The following PHACTR2 variants were observed in gnomAD, a reference collection of about 807,000 sequenced individuals.
PHACTR2 encodes the protein chromosome 6 open reading frame 56.
PHACTR2 carries 30 observed loss-of-function variants against 76.0 expected under a neutral mutation model. The ratio of observed to expected loss-of-function variants is 0.39; its 90% CI spans 0.30 to 0.54. The LOEUF (loss-of-function observed/expected upper bound fraction) is 0.54. PHACTR2 is among the 20% of genes least tolerant of loss of function. The pLI is 0.61. For synonymous variants in PHACTR2, 292 were observed against 292.5 expected (o/e 1.00, Z 0.02); for missense variants, 696 against 781.1 (o/e 0.89, Z 1.30).
At chr6:143,773,669 A>G (rs1198102652) in intron 7 of PHACTR2, among the ~76,000 whole-genome samples, 1 of 152,232 alleles carries the variant, frequency 6.6e-6, no homozygotes, top group African/African-American at 2.4e-5. Context: ...GGAGGAGACA[A>G]GGATTAACTG....
Position 143,583,813 on chromosome 6 carries a change from A to C in PHACTR2, c.217+46606A>C, listed in dbSNP as rs1160463259. Among the ~76,000 whole-genome samples the C allele has an allele frequency of 6.6e-6, 1 of 152,258 alleles. No homozygotes were observed. Among genetic ancestry groups the C allele is most frequent in the Non-Finnish European group, 1.5e-5 (1 of 68,046 alleles). ...TACCTGGACTACTATAATAGGTGCC[A>C]GGCATCATACCCAGAGAGGGACCTA... On this transcript the variant is annotated intron_variant, in intron 1 of 11. Transcript: ENST00000367584. The surrounding 1 kb of genome is among the most constrained non-coding windows in gnomAD (Gnocchi z 4.0).
chr6:143,760,645 G>T lies in PHACTR2; in HGVS notation c.694+5G>T, dbSNP rs1223695106. The T allele has an allele frequency of 1.9e-6, 3 of 1,613,790 alleles. No homozygotes were observed. The highest frequency in any genetic ancestry group is 1.7e-5 in the Admixed American group (1 of 59,996). Reference sequence around the variant, plus strand: ...GAAACACGACCCGAGAGGCTGGTGAGTATGCCCCCAGTGCCCTGTGGGGTC... The same window carrying T: ...GAAACACGACCCGAGAGGCTGGTGATTATGCCCCCAGTGCCCTGTGGGGTC... On this transcript the variant is annotated splice_donor_5th_base_variant and intron_variant, in intron 5 of 12. Transcript: ENST00000440869. This position sits in a 1 kb window ranked among gnomAD's most constrained non-coding sequence, Gnocchi z 6.4.
In PHACTR2 at chr6:143,539,635, C is replaced by T. The variant is rs1197639169; in HGVS notation, c.217+2428C>T. Reference sequence around the variant, plus strand: ...AGTAGCCCAATTTCCAGCCCTTCTCCAGAAGCTCTGGGCACACACAGAGGC... The same window carrying T: ...AGTAGCCCAATTTCCAGCCCTTCTCTAGAAGCTCTGGGCACACACAGAGGC... On this transcript the variant is annotated intron_variant, in intron 1 of 11. Coordinates refer to the PHACTR2 transcript ENST00000367584. The surrounding 1 kb of genome is among the most constrained non-coding windows in gnomAD (Gnocchi z 4.3). 6.6e-6 allele frequency among the ~76,000 whole-genome samples: 1 copy of T among 152,132 alleles called. No individual in the cohort carries two copies. Among genetic ancestry groups the T allele is most frequent in the Non-Finnish European group, 1.5e-5 (1 of 68,018 alleles).
chr6:143,746,319 A>C (rs1219223299), intron 2 of PHACTR2, among the ~76,000 whole-genome samples: 4 of 152,192 alleles, frequency 2.6e-5, no homozygotes, highest in African/African-American at 9.7e-5. Context: ...GACTCCTGGC[A>C]GCCATTTTGT....
rs142760617 is a variant in PHACTR2, at chr6:143,751,589, C to A, written c.296-2165C>A. Among the ~76,000 whole-genome samples, 1 of 152,206 alleles carries A rather than the reference C, an allele frequency of 6.6e-6. No individual in the cohort carries two copies. Among genetic ancestry groups the A allele is most frequent in the East Asian group, 1.9e-4 (1 of 5,170 alleles). On this transcript the variant is annotated intron_variant, in intron 3 of 12. Transcript: ENST00000440869. The surrounding 1 kb of genome is among the most constrained non-coding windows in gnomAD (Gnocchi z 5.7). Reference sequence around the variant, plus strand: ...ACACCTGTTTACTAGAAGGAGGTGACCCCCTTCAAACACCCTCGTGTTCCT... The same window carrying A: ...ACACCTGTTTACTAGAAGGAGGTGAACCCCTTCAAACACCCTCGTGTTCCT...
rs1384929787 is a variant in PHACTR2 at position 143,589,762 on chromosome 6, A to G, written c.217+52555A>G. 1.3e-5 allele frequency among the ~76,000 whole-genome samples: 2 copies of G among 152,222 alleles called. No individual in the cohort carries two copies. Among genetic ancestry groups the G allele is most frequent in the African/African-American group, 2.4e-5 (1 of 41,462 alleles). ...TCAAGGTCCTGGAAGCCAGGGCTTCAACATATAAATTTAGGGGAGGGGACA... is the reference window on the plus strand; with the variant it reads ...TCAAGGTCCTGGAAGCCAGGGCTTCGACATATAAATTTAGGGGAGGGGACA... On this transcript the variant is annotated intron_variant, in intron 1 of 11. Coordinates refer to the PHACTR2 transcript ENST00000367584. This position sits in a 1 kb window ranked among gnomAD's most constrained non-coding sequence, Gnocchi z 4.4.
rs1182288558 is a variant in PHACTR2, at chr6:143,664,123, T to C, written c.14-47893T>C. Among the ~76,000 whole-genome samples the C allele has an allele frequency of 9.9e-5, 15 of 152,142 alleles. No individual in the cohort carries two copies. Among genetic ancestry groups the C allele is most frequent in the Admixed American group, 5.9e-4 (9 of 15,274 alleles). On this transcript the variant is annotated intron_variant, in intron 1 of 11. Transcript: ENST00000305766. This position sits in a 1 kb window ranked among gnomAD's most constrained non-coding sequence, Gnocchi z 5.1. The stretch of plus-strand genomic sequence containing the variant: ...ATAATAATTTGAACATCCTGTTAGA[T>C]TATAATTTTTGTCATTACACTATAT...
At chr6:143,634,677 A>G (rs751781231) in intron 1 of PHACTR2, among the ~76,000 whole-genome samples, 1 of 152,182 alleles carries the variant, frequency 6.6e-6, no homozygotes, top group Non-Finnish European at 1.5e-5. Context: ...ATAAAAGACA[A>G]TAGTATCTGT....
At chr6:143,582,937 A>G (rs1328894232) in intron 1 of PHACTR2, among the ~76,000 whole-genome samples, 1 of 152,236 alleles carries the variant, frequency 6.6e-6, no homozygotes, top group East Asian at 1.9e-4. Context: ...GATTTTAGGT[A>G]TAAAAATATA....
chr6:143,713,702 T>G (rs1160815952), intron 2 of PHACTR2, among the ~76,000 whole-genome samples: 1 of 152,166 alleles, frequency 6.6e-6, no homozygotes, highest in African/African-American at 2.4e-5. Context: ...CCTGATTCTG[T>G]TGTTGGTCTC....
intron 1 of PHACTR2, among the ~76,000 whole-genome samples, chr6:143,634,025 G>A (rs1242883992): frequency 6.6e-6 from 1 of 152,192 alleles, no homozygotes; most frequent in Non-Finnish European, 1.5e-5. Flanking sequence ...GTGCAGGTAT[G>A]CCTACTGACA....
intron 11 of PHACTR2, among the ~76,000 whole-genome samples, chr6:143,798,219 G>C (rs952329057): frequency 6.6e-6 from 1 of 152,158 alleles, no homozygotes; most frequent in Non-Finnish European, 1.5e-5. Flanking sequence ...TGATGTATAG[G>C]AATGCTTGTG....
intron 1 of PHACTR2, among the ~76,000 whole-genome samples, chr6:143,542,082 A>G (rs1781176438): frequency 6.6e-6 from 1 of 152,184 alleles, no homozygotes; most frequent in East Asian, 1.9e-4. Flanking sequence ...CTCCCTGGTC[A>G]GGGAATAGCA....
chr6:143,564,893 T>C (rs1325241998), intron 1 of PHACTR2, among the ~76,000 whole-genome samples: 1 of 127,986 alleles, frequency 7.8e-6, no homozygotes, highest in African/African-American at 2.8e-5. Context: ...TCCAGATACA[T>C]GAATAGTGAT....
At position 143,784,585 on chromosome 6, in the gene PHACTR2, A is replaced by G. The variant is rs1775509279; in HGVS notation, c.1707+1305A>G. 2.0e-5 allele frequency among the ~76,000 whole-genome samples: 3 copies of G among 152,194 alleles called. No individual in the cohort carries two copies. Among genetic ancestry groups the G allele is most frequent in the Admixed American group, 2.0e-4 (3 of 15,276 alleles). ...ATTCCCACAGAAAAGCTATGGGACT[A>G]TGTTGAAAGTGTTTGGTTCTGTTTT... On this transcript the variant is annotated intron_variant, in intron 10 of 12. Transcript: ENST00000440869. This position sits in a 1 kb window ranked among gnomAD's most constrained non-coding sequence, Gnocchi z 4.5.
Position 143,627,458 on chromosome 6 carries a change from G to A in PHACTR2, c.13+19136G>A, listed in dbSNP as rs542292579. 3.7e-4 allele frequency among the ~76,000 whole-genome samples: 56 copies of A among 152,182 alleles called. 1 individual carries two copies. The South Asian group carries it at 4.8e-3, about 13-fold the overall frequency. ...TATGGGTAATATACTCAGCTACTACGTCAGGTAGCCTTGCGGAATTCAAGA... is the reference window on the plus strand; with the variant it reads ...TATGGGTAATATACTCAGCTACTACATCAGGTAGCCTTGCGGAATTCAAGA... On this transcript the variant is annotated intron_variant, in intron 1 of 11. Coordinates refer to the PHACTR2 transcript ENST00000305766. This position sits in a 1 kb window ranked among gnomAD's most constrained non-coding sequence, Gnocchi z 4.3.
At chr6:143,650,576 T>A (rs1776743984) in intron 1 of PHACTR2, among the ~76,000 whole-genome samples, 1 of 152,062 alleles carries the variant, frequency 6.6e-6, no homozygotes, top group African/African-American at 2.4e-5. Flanking sequence ...AAACAAACAA[T>A]GGGGAAAGGA....
At chr6:143,563,347 G>T (rs972217299) in intron 1 of PHACTR2, among the ~76,000 whole-genome samples, 1 of 151,332 alleles carries the variant, frequency 6.6e-6, no homozygotes, top group South Asian at 2.1e-4. Context: ...GGTGGATCAC[G>T]AGGTCAGCAG....
chr6:143,719,813 C>CTTT (rs10675688), intron 2 of PHACTR2, among the ~76,000 whole-genome samples: 40,627 of 94,360 alleles, frequency 0.43, 10,930 homozygotes, highest in Non-Finnish European at 0.5. Flanking sequence ...GTGTTCGACA[C>CTTT]TTTTTTTTTT....
Sources: gnomAD v4.1 joint callset for allele counts (sites outside exome capture counted in the v4.1 genomes callset) on GRCh38, gnomAD v4.1.1 for gene constraint, Gnocchi (gnomAD v3.1) non-coding constraint, MANE v1.5 for transcripts, NCBI Gene and HGNC (gene_info 2026-07-23, HGNC 2026-07-21) for gene names.